Variants in ZFHX4 observed in about 807,000 individuals in gnomAD.
ZFHX4 encodes zinc finger homeobox 4.
A neutral mutation model predicts 267.6 loss-of-function variants in ZFHX4; 56 were observed. The observed-to-expected ratio is 0.21, with a 90% CI of 0.17 to 0.26. The LOEUF (loss-of-function observed/expected upper bound fraction) is 0.26. Ranked by LOEUF, ZFHX4 falls within the 10% of genes least tolerant of loss-of-function variation. The pLI is 1.00. For synonymous variants in ZFHX4, 1,778 were observed against 1,665.6 expected, an observed-to-expected ratio of 1.07 and a Z score of -1.64; for missense variants, 4,332 against 4,420.0, an observed-to-expected ratio of 0.98 and a Z score of 0.56.
At chr8:76,798,949 G>T (rs1811051139) in intron 4 of ZFHX4, among the ~76,000 whole-genome samples, 1 of 152,034 alleles carries the variant, frequency 6.6e-6, no homozygotes, top group African/African-American at 2.4e-5. Context: ...GCCTGCAGAG[G>T]ATATTTTGTT....
chr8:76,759,761 A>G (rs1809861926), intron 3 of ZFHX4, among the ~76,000 whole-genome samples: 1 of 152,232 alleles, frequency 6.6e-6, no homozygotes, highest in Non-Finnish European at 1.5e-5. Context: ...ATAAAAAATA[A>G]CTTGTTTAAT....
intron 4 of ZFHX4, 42 bp from the exon 5 acceptor site, chr8:76,833,296 A>G: frequency 6.4e-7 from 1 of 1,553,948 alleles, no homozygotes; most frequent in Non-Finnish European, 8.8e-7. Context: ...AGAGAGCTGG[A>G]TATGGCATGC....
intron 4 of ZFHX4, among the ~76,000 whole-genome samples, chr8:76,819,163 T>A (rs1458667710): frequency 1.7e-4 from 22 of 133,170 alleles, no homozygotes; most frequent in African/African-American, 5.2e-4. Flanking sequence ...TTTTTTTTTT[T>A]AACTCACAAA....
chr8:76,861,857 T>C (rs1812877459), intron 10 of ZFHX4, among the ~76,000 whole-genome samples: 1 of 152,026 alleles, frequency 6.6e-6, no homozygotes, highest in African/African-American at 2.4e-5. Context: ...CTCATGATCA[T>C]TCCCTCTAGA....
chr8:76,840,640 A>G (rs1293268976), intron 5 of ZFHX4, among the ~76,000 whole-genome samples: 1 of 152,086 alleles, frequency 6.6e-6, no homozygotes, highest in Admixed American at 6.5e-5. Context: ...ATGTACCCCC[A>G]AGATAAGGAC....
Position 76,852,336 on chromosome 8 carries a change from C to T in ZFHX4, c.5415C>T (p.Ala1805=). ...AGCAACAAGCACAACAATACCAAGC[C>T]ACACAGCCCCAGCTGCAGCCTCAAA... The part of the protein sequence containing the change: ...ILQQQAQQYQ[A]TQPQLQPQKQ... Residue 1805 remains alanine, a synonymous_variant, in exon 10 of 11, where the codon GCC becomes GCT. Coordinates refer to ENST00000651372, the MANE Select transcript of ZFHX4 (RefSeq NM_024721.5). The T allele has an allele frequency of 1.3e-6, 2 of 1,553,546 alleles. No individual in the cohort carries two copies. Among genetic ancestry groups the T allele is most frequent in the Non-Finnish European group, 1.7e-6 (2 of 1,147,924 alleles).
chr8:76,867,025 A>G lies in ZFHX4; in HGVS notation c.*2460A>G, dbSNP rs1334079871. 6.6e-6 allele frequency: 1 copy of G among 152,658 alleles called. No homozygotes were observed. The highest frequency in any genetic ancestry group is 1.5e-5 in the Non-Finnish European group (1 of 68,036). The allele number at this position is 152,658 out of a possible 1,614,324, so 9.5% of individuals were successfully genotyped here. On this transcript the variant is annotated 3_prime_UTR_variant, in exon 11 of 11. Transcript: ENST00000651372. The stretch of plus-strand genomic sequence containing the variant: ...CTATGGCTATAACTTTAAATAAACT[A>G]AACCAAAAATGTTATTGATGTTTTA...
At chr8:76,742,352 C>T (rs1273142504) in intron 3 of ZFHX4, among the ~76,000 whole-genome samples, 1 of 152,122 alleles carries the variant, frequency 6.6e-6, no homozygotes, top group Non-Finnish European at 1.5e-5. Context: ...GCGGCAATAT[C>T]GATCTTGCTT....
rs1328301869 is a variant in ZFHX4, at chr8:76,704,888, G to T, written c.800G>T (p.Gly267Val). The change falls in exon 2 of 11, where the codon GGT becomes GTT. Residue 267 changes from glycine to valine, a missense_variant. Gly to Val is a moderately radical substitution (Grantham distance 109, BLOSUM62 -3). Transcript: ENST00000651372. ...AATGTGGACTTGTCCAAATTCGATG[G>T]TTGTGTTAGCGATGGGAAAAGGAAA... ...PNNVDLSKFD[G>V]CVSDGKRKPV... is the part of the protein sequence containing the mutation. 4 of 1,614,080 alleles carry T rather than the reference G, an allele frequency of 2.5e-6. No individual in the cohort carries two copies.
chr8:76,734,156 A>G (rs1809096169), intron 3 of ZFHX4, among the ~76,000 whole-genome samples: 1 of 152,170 alleles, frequency 6.6e-6, no homozygotes, highest in African/African-American at 2.4e-5. Context: ...AATGTTTAGA[A>G]CATATTTATA....
intron 4 of ZFHX4, among the ~76,000 whole-genome samples, chr8:76,781,655 C>T (rs946253090): frequency 1.3e-5 from 2 of 152,008 alleles, no homozygotes; most frequent in Non-Finnish European, 2.9e-5. Flanking sequence ...AAGCATTTCC[C>T]TTGGCATCAA....
At chr8:76,841,532 G>T (rs1025795705) in intron 5 of ZFHX4, among the ~76,000 whole-genome samples, 2 of 152,128 alleles carry the variant, frequency 1.3e-5, no homozygotes, top group African/African-American at 4.8e-5. Context: ...ATTGTATCAT[G>T]TTCTCTGCAT....
chr8:76,835,630 C>T (rs923590998), intron 5 of ZFHX4, among the ~76,000 whole-genome samples: 1 of 151,968 alleles, frequency 6.6e-6, no homozygotes, highest in East Asian at 1.9e-4. Context: ...TTTTTAAAAT[C>T]TTATTTTCTC....
At chr8:76,837,685 A>G (rs1812128629) in intron 5 of ZFHX4, among the ~76,000 whole-genome samples, 1 of 152,194 alleles carries the variant, frequency 6.6e-6, no homozygotes, top group African/African-American at 2.4e-5. Context: ...GCACTGTTCC[A>G]GCTGCTTTTG....
At chr8:76,798,359 C>G (rs1811036293) in intron 4 of ZFHX4, among the ~76,000 whole-genome samples, 1 of 152,116 alleles carries the variant, frequency 6.6e-6, no homozygotes, top group African/African-American at 2.4e-5. Context: ...ACATTTGAAC[C>G]TCACTAATGT....
chr8:76,826,072 T>C (rs1256114681), intron 4 of ZFHX4, among the ~76,000 whole-genome samples: 1 of 152,172 alleles, frequency 6.6e-6, no homozygotes, highest in Non-Finnish European at 1.5e-5. Context: ...TGTATAAGCA[T>C]TGCACCAGTA....
intron 5 of ZFHX4, among the ~76,000 whole-genome samples, chr8:76,835,595 T>A (rs1296759050): frequency 6.6e-6 from 1 of 152,060 alleles, no homozygotes; most frequent in Non-Finnish European, 1.5e-5. Context: ...AAGTTTACGT[T>A]TACCTATGCA....
chr8:76,687,312 A>G (rs1189873437), intron 1 of ZFHX4, among the ~76,000 whole-genome samples: 3 of 152,204 alleles, frequency 2.0e-5, no homozygotes, highest in Admixed American at 6.5e-5. Flanking sequence ...CCACCTTACA[A>G]TGACACTTGT....
intron 4 of ZFHX4, among the ~76,000 whole-genome samples, chr8:76,828,652 T>C (rs1811849496): frequency 6.6e-6 from 1 of 152,142 alleles, no homozygotes; most frequent in South Asian, 2.1e-4. Flanking sequence ...ATAGCTCCAG[T>C]AGAAGTGGGA....
Sources: allele counts gnomAD v4.1 joint callset (sites outside exome capture counted in the v4.1 genomes callset), GRCh38; gene constraint gnomAD v4.1.1; transcripts MANE v1.5; gene names NCBI Gene and HGNC (gene_info 2026-07-23, HGNC 2026-07-21).